The following ERC2 variants were observed in gnomAD, a reference collection of about 807,000 sequenced individuals.
The protein encoded by ERC2 is ELKS/RAB6-interacting/CAST family member 2, also known as ERC protein 2.
A neutral mutation model predicts 114.8 loss-of-function variants in ERC2; 42 were observed. The ratio of observed to expected loss-of-function variants is 0.37; its 90% confidence interval spans 0.29 to 0.47. The LOEUF (loss-of-function observed/expected upper bound fraction) is 0.47, where lower values mean the gene tolerates loss of function less well. ERC2 is among the 20% of genes least tolerant of loss of function. The probability of loss-of-function intolerance (pLI) is 0.99; values close to 1 mark genes in which losing one functional copy is unlikely to be tolerated. For synonymous variants in ERC2, 454 were observed against 425.5 expected (o/e 1.07, Z -0.82); for missense variants, 939 against 1,150.7 (o/e 0.82, Z 2.66).
At chr3:56,054,412 A>T (rs1176384343) in intron 7 of ERC2, among the ~76,000 whole-genome samples, 1 of 152,226 alleles carries the variant, frequency 6.6e-6, no homozygotes, top group African/African-American at 2.4e-5. Flanking sequence ...ATATGAATGA[A>T]GTCTAGATGT....
intron 17 of ERC2, among the ~76,000 whole-genome samples, chr3:55,676,755 C>G (rs1174921285): frequency 6.6e-6 from 1 of 152,134 alleles, no homozygotes; most frequent in East Asian, 1.9e-4. Context: ...ACAGCATACT[C>G]TAAAGCAAAT....
At chr3:56,236,464 T>G (rs1052328402) in intron 3 of ERC2, among the ~76,000 whole-genome samples, 1 of 152,180 alleles carries the variant, frequency 6.6e-6, no homozygotes, top group African/African-American at 2.4e-5. Context: ...TTTCACCAAA[T>G]TGCTTTTCCT....
At chr3:56,311,434 G>A (rs1186572927) in intron 2 of ERC2, among the ~76,000 whole-genome samples, 1 of 151,036 alleles carries the variant, frequency 6.6e-6, no homozygotes, top group East Asian at 2.0e-4. Flanking sequence ...AAGTAGCTGG[G>A]ACTACAGGTG....
At chr3:55,630,810 T>G (rs1434600581) in intron 17 of ERC2, among the ~76,000 whole-genome samples, 2 of 152,162 alleles carry the variant, frequency 1.3e-5, no homozygotes, top group Non-Finnish European at 2.9e-5. Flanking sequence ...TACATAAAAA[T>G]AGGTGTGCCA....
chr3:55,630,508 C>T (rs1224698088), intron 17 of ERC2, among the ~76,000 whole-genome samples: 2 of 152,186 alleles, frequency 1.3e-5, no homozygotes, highest in African/African-American at 4.8e-5. Flanking sequence ...ACTCTCAAAG[C>T]AAAGTAGACC....
intron 17 of ERC2, among the ~76,000 whole-genome samples, chr3:55,552,331 C>T (rs1483007119): frequency 1.3e-5 from 2 of 152,188 alleles, no homozygotes; most frequent in Non-Finnish European, 2.9e-5. Flanking sequence ...CTCTGTTTTT[C>T]CATGGCCATA....
chr3:56,328,485 G>C (rs2057464461), intron 2 of ERC2, among the ~76,000 whole-genome samples: 1 of 152,148 alleles, frequency 6.6e-6, no homozygotes, highest in South Asian at 2.1e-4. Context: ...AAATGCATGT[G>C]ATATCTTACA....
intron 14 of ERC2, among the ~76,000 whole-genome samples, chr3:55,788,696 A>G (rs891900174): frequency 6.6e-6 from 1 of 152,196 alleles, no homozygotes; most frequent in African/African-American, 2.4e-5. Context: ...CCCAGATGTC[A>G]ACATAAACAG....
chr3:56,083,366 A>G (rs970165131), intron 6 of ERC2, among the ~76,000 whole-genome samples: 7 of 152,180 alleles, frequency 4.6e-5, no homozygotes, highest in Non-Finnish European at 1.0e-4. Flanking sequence ...ATGAGGTTAC[A>G]GAAATGAGAG....
chr3:55,578,950 G>A (rs186359063), intron 17 of ERC2, among the ~76,000 whole-genome samples: 1 of 152,306 alleles, frequency 6.6e-6, no homozygotes, highest in East Asian at 1.9e-4. Context: ...GGAGGTGGGA[G>A]TGGGGAGAGA....
Position 56,032,969 on chromosome 3 carries a change from GAAAGAAAGAGAA to G in ERC2, c.1642-13950_1642-13939del, listed in dbSNP as rs1560057129. ...AAAGAAAGAAAGAAACAGAAAGAAA[GAAAGAAAGAGAA>G]AGAAAGAAAGAAAGAAAGAAAGAAA... On this transcript the variant is annotated intron_variant, in intron 7 of 17. Transcript: ENST00000288221. Among the ~76,000 whole-genome samples, 185 of 82,746 alleles carry G rather than the reference GAAAGAAAGAGAA, an allele frequency of 2.2e-3. 2 individuals are homozygous for G. The highest frequency in any genetic ancestry group is 3.2e-3 in the Admixed American group (27 of 8,568). 54.3% of individuals were successfully genotyped at this position (82,746 alleles called of 152,430 possible). A position where few individuals can be genotyped will look rare whatever the true frequency, so the allele number is the denominator to read the frequency against.
At chr3:55,585,652 G>C (rs1559697593) in intron 17 of ERC2, among the ~76,000 whole-genome samples, 1 of 152,192 alleles carries the variant, frequency 6.6e-6, no homozygotes, top group Non-Finnish European at 1.5e-5. Context: ...TCTTTGGGGG[G>C]ACCCTGGAAG....
At chr3:56,308,160 C>T (rs926726962) in intron 2 of ERC2, among the ~76,000 whole-genome samples, 10 of 152,170 alleles carry the variant, frequency 6.6e-5, no homozygotes, top group African/African-American at 2.4e-4. Context: ...GTCCACTTCA[C>T]AAGAGCATAA....
At chr3:56,242,236 T>C (rs2051369820) in intron 3 of ERC2, among the ~76,000 whole-genome samples, 1 of 152,126 alleles carries the variant, frequency 6.6e-6, no homozygotes, top group Admixed American at 6.5e-5. Context: ...AAATACCAAA[T>C]GTTCTCATTT....
rs554418751 is a variant in ERC2, at chr3:56,325,218, G to A, written c.658-28783C>T. On this transcript the variant is annotated intron_variant, in intron 2 of 17. Coordinates refer to ENST00000288221, the MANE Select transcript of ERC2 (RefSeq NM_015576.3). ...CCAGCACTTTGGGAGGCCGAGATGG[G>A]TGGATTACGAGGTCAGGAGACTGAG... 2.6e-4 allele frequency among the ~76,000 whole-genome samples: 40 copies of A among 152,218 alleles called. No homozygotes were observed. The South Asian group carries it at 7.9e-3, about 30-fold the overall frequency.
chr3:56,282,811 C>T (rs2054437722), intron 3 of ERC2, among the ~76,000 whole-genome samples: 2 of 152,128 alleles, frequency 1.3e-5, no homozygotes, highest in African/African-American at 4.8e-5. Flanking sequence ...ACACAGATTC[C>T]TCAGGAGGCA....
At chr3:56,409,441 A>G (rs2060854296) in intron 2 of ERC2, among the ~76,000 whole-genome samples, 1 of 151,944 alleles carries the variant, frequency 6.6e-6, no homozygotes, top group Non-Finnish European at 1.5e-5. Context: ...CTAAAATTAA[A>G]ATTTATGCTT....
intron 3 of ERC2, among the ~76,000 whole-genome samples, chr3:56,278,796 G>C (rs1283249429): frequency 2.0e-5 from 3 of 152,106 alleles, no homozygotes; most frequent in Non-Finnish European, 4.4e-5. Context: ...AGAGAAAGGA[G>C]GAGGTGCCAG....
At chr3:56,196,880 C>A (rs960907112) in intron 3 of ERC2, among the ~76,000 whole-genome samples, 5 of 152,112 alleles carry the variant, frequency 3.3e-5, no homozygotes, top group Non-Finnish European at 5.9e-5. Flanking sequence ...TTTTTGGCAG[C>A]CAGACTCACA....
Sources: allele counts gnomAD v4.1 joint callset (sites outside exome capture counted in the v4.1 genomes callset), GRCh38; gene constraint gnomAD v4.1.1; transcripts MANE v1.5; gene names NCBI Gene and HGNC (gene_info 2026-07-23, HGNC 2026-07-21).